Variants in CADPS observed in about 807,000 individuals in gnomAD.
CADPS encodes calcium-dependent secretion activator 1.
CADPS carries 57 observed loss-of-function variants against 167.3 expected under a neutral mutation model. The ratio of observed to expected loss-of-function variants is 0.34; its 90% CI spans 0.28 to 0.42. The LOEUF (loss-of-function observed/expected upper bound fraction) is 0.42, where lower values mean the gene tolerates loss of function less well. Ranked by LOEUF, CADPS falls within the 20% of genes least tolerant of loss-of-function variation. The probability of loss-of-function intolerance (pLI) is 1.00; values close to 1 mark genes in which losing one functional copy is unlikely to be tolerated. For missense variants in CADPS, 1,414 were observed against 1,738.1 expected (o/e 0.81, Z 3.32); for synonymous variants, 676 against 635.3 (o/e 1.06, Z -0.96).
At chr3:62,661,561 T>C (rs73092292) in intron 4 of CADPS, among the ~76,000 whole-genome samples, 27,987 of 152,098 alleles carry the variant, frequency 0.18, 2,803 homozygotes, top group Middle Eastern at 0.24. Context: ...GTTAAGAGTC[T>C]TGATTATCAT....
chr3:62,691,389 G>A lies in CADPS; in HGVS notation c.889-28995C>T, dbSNP rs144546991. 7.4e-4 allele frequency among the ~76,000 whole-genome samples: 113 copies of A among 152,108 alleles called. 1 individual carries two copies. The highest frequency in any genetic ancestry group is 1.1e-3 in the Non-Finnish European group (77 of 67,992). On this transcript the variant is annotated intron_variant, in intron 3 of 29. Transcript: ENST00000383710. ...GTTACAAATGCATCATTCTGTTGGGGGATGTTGGTAGTAGGGGAGGCTGTG... is the reference window on the plus strand; with the variant it reads ...GTTACAAATGCATCATTCTGTTGGGAGATGTTGGTAGTAGGGGAGGCTGTG...
intron 3 of CADPS, among the ~76,000 whole-genome samples, chr3:62,710,719 C>T (rs1055616222): frequency 6.6e-6 from 1 of 152,170 alleles, no homozygotes; most frequent in African/African-American, 2.4e-5. Flanking sequence ...CTTCCCACCT[C>T]TGCCACCTCC....
chr3:62,760,139 C>G (rs1396953653), intron 2 of CADPS, among the ~76,000 whole-genome samples: 2 of 152,102 alleles, frequency 1.3e-5, no homozygotes, highest in African/African-American at 4.8e-5. Context: ...ACTTTCAACT[C>G]TCTTCTTCTA....
At chr3:62,686,470 C>T (rs939733866) in intron 3 of CADPS, among the ~76,000 whole-genome samples, 7 of 151,954 alleles carry the variant, frequency 4.6e-5, no homozygotes, top group Non-Finnish European at 8.8e-5. Flanking sequence ...AAGTTATTTT[C>T]CTTGAATTTC....
chr3:62,847,281 CTT>C lies in CADPS; in HGVS notation c.441+27306_441+27307del, dbSNP rs111771617. Among the ~76,000 whole-genome samples the C allele has an allele frequency of 5.0e-5, 6 of 119,548 alleles. No individual in the cohort carries two copies. In the East Asian group the frequency reaches 1.0e-3, roughly 21 times the overall value. 78.4% of individuals were successfully genotyped at this position (119,548 alleles called of 152,430 possible). A position where few individuals can be genotyped will look rare whatever the true frequency, so the allele number is the denominator to read the frequency against. On this transcript the variant is annotated intron_variant, in intron 1 of 29. Transcript: ENST00000383710. ...ATTTTCTTTTTTTTTTTTTTTTTAA[CTT>C]TTTTTTTTTTATACTTTAAGTTTTA...
chr3:62,483,130 C>G lies in CADPS; in HGVS notation c.3027-1261G>C, dbSNP rs1053720748. Among the ~76,000 whole-genome samples, 3 of 151,904 alleles carry G rather than the reference C, an allele frequency of 2.0e-5. No homozygotes were observed. The East Asian group carries it at 5.8e-4, about 30-fold the overall frequency. On this transcript the variant is annotated intron_variant, in intron 21 of 29. Transcript: ENST00000383710. Reference sequence around the variant, plus strand: ...AGCCTAACTCTGCATCTGAGAGGAGCCTTCCTGTTTAAGTGAAGTTGACAG... The same window carrying G: ...AGCCTAACTCTGCATCTGAGAGGAGGCTTCCTGTTTAAGTGAAGTTGACAG...
At chr3:62,649,131 T>C (rs1207960538) in intron 5 of CADPS, among the ~76,000 whole-genome samples, 1 of 152,188 alleles carries the variant, frequency 6.6e-6, no homozygotes, top group African/African-American at 2.4e-5. Context: ...TGATCTCTTC[T>C]CTTGGTCTCC....
intron 21 of CADPS, among the ~76,000 whole-genome samples, chr3:62,483,111 A>G (rs1449546188): frequency 6.6e-6 from 1 of 151,846 alleles, no homozygotes; most frequent in African/African-American, 2.4e-5. Flanking sequence ...GCCCAGCCTA[A>G]CTCTGCATCT....
chr3:62,856,662 A>G (rs2079746096), intron 1 of CADPS, among the ~76,000 whole-genome samples: 2 of 151,972 alleles, frequency 1.3e-5, no homozygotes, highest in Non-Finnish European at 1.5e-5. Flanking sequence ...GCTTTCTACC[A>G]GGAGCTCAAA....
chr3:62,646,225 C>T (rs186395348), intron 5 of CADPS, among the ~76,000 whole-genome samples: 1 of 143,638 alleles, frequency 7.0e-6, no homozygotes, highest in Admixed American at 7.3e-5. Context: ...GGTGCAATGG[C>T]GTGATCTCGG....
intron 9 of CADPS, among the ~76,000 whole-genome samples, chr3:62,570,338 A>G (rs1311102326): frequency 1.3e-5 from 2 of 152,202 alleles, no homozygotes; most frequent in Admixed American, 1.3e-4. Context: ...GGCACCAAGA[A>G]GAGTAGAGCA....
At chr3:62,510,190 G>GTAT (rs2067484611) in intron 17 of CADPS, among the ~76,000 whole-genome samples, 1 of 18,820 alleles carries the variant, frequency 5.3e-5, no homozygotes, top group African/African-American at 2.3e-4. Flanking sequence ...ACCTATTTCT[G>GTAT]CATCTATCTA....
intron 29 of CADPS, among the ~76,000 whole-genome samples, chr3:62,401,451 A>G (rs900970468): frequency 6.6e-6 from 1 of 152,238 alleles, no homozygotes; most frequent in Non-Finnish European, 1.5e-5. Context: ...GGCCCACCTA[A>G]TATTTATCCA....
chr3:62,870,141 G>A (rs894479289), intron 1 of CADPS, among the ~76,000 whole-genome samples: 9 of 152,114 alleles, frequency 5.9e-5, no homozygotes, highest in Non-Finnish European at 1.2e-4. Context: ...AAAATGGGGA[G>A]GGGAGAATGC....
At chr3:62,594,588 G>A (rs1458518955) in intron 6 of CADPS, among the ~76,000 whole-genome samples, 2 of 152,002 alleles carry the variant, frequency 1.3e-5, no homozygotes, top group African/African-American at 4.8e-5. Context: ...TTTGAGGTGG[G>A]GGTCTGACTC....
At chr3:62,673,023 C>T (rs1002205729) in intron 3 of CADPS, among the ~76,000 whole-genome samples, 1 of 152,192 alleles carries the variant, frequency 6.6e-6, no homozygotes, top group Non-Finnish European at 1.5e-5. Context: ...TCTTCTAGGC[C>T]ACCCTAACAT....
intron 3 of CADPS, among the ~76,000 whole-genome samples, chr3:62,682,870 A>G (rs2077375050): frequency 6.6e-6 from 1 of 152,122 alleles, no homozygotes; most frequent in South Asian, 2.1e-4. Flanking sequence ...ATGTAAACTT[A>G]CCAAGAGATA....
intron 1 of CADPS, among the ~76,000 whole-genome samples, chr3:62,808,697 TC>T (rs1360652747): frequency 1.3e-5 from 2 of 152,048 alleles, no homozygotes; most frequent in Non-Finnish European, 2.9e-5. Flanking sequence ...GTGTCCTTTC[TC>T]TTTCGATGTT....
intron 2 of CADPS, among the ~76,000 whole-genome samples, chr3:62,757,844 A>T (rs79931801): frequency 0.043 from 6,484 of 152,302 alleles, 205 homozygotes; most frequent in South Asian, 0.16. Flanking sequence ...GGCACGTCTT[A>T]TGTGGCATGG....
Sources: allele counts gnomAD v4.1 joint callset (sites outside exome capture counted in the v4.1 genomes callset), GRCh38; gene constraint gnomAD v4.1.1; transcripts MANE v1.5; gene names NCBI Gene and HGNC (gene_info 2026-07-23, HGNC 2026-07-21).